POMZP3: variants seen among roughly 807,000 people sequenced by gnomAD.
The protein encoded by POMZP3 is POM121 and ZP3 fusion.
Under a neutral mutation model 19.8 loss-of-function variants are expected in POMZP3, and 10 were observed. The observed-to-expected ratio is 0.51, with a 90% CI of 0.31 to 0.86. POMZP3 has a LOEUF of 0.86. Ranked by LOEUF, POMZP3 falls within the 40% of genes least tolerant of loss-of-function variation. POMZP3 has a pLI of 0.04. For synonymous variants in POMZP3, 57 were observed against 85.8 expected (o/e 0.66, Z 1.85); for missense variants, 152 against 228.1 (o/e 0.67, Z 2.15).
intron 4 of POMZP3, among the ~76,000 whole-genome samples, chr7:76,616,391 G>C (rs1815290544): frequency 9.8e-6 from 1 of 101,742 alleles, no homozygotes; most frequent in Admixed American, 9.4e-5. Flanking sequence ...TACAAAATGT[G>C]ACACCAGGCC....
intron 3 of POMZP3, among the ~76,000 whole-genome samples, chr7:76,622,827 C>G (rs1795063201): frequency 6.6e-6 from 1 of 151,852 alleles, no homozygotes; most frequent in South Asian, 2.1e-4. Flanking sequence ...AGGCTTGAGC[C>G]ACTGCATTCA....
At chr7:76,623,318 G>C (rs996774039) in intron 3 of POMZP3, among the ~76,000 whole-genome samples, 1 of 151,662 alleles carries the variant, frequency 6.6e-6, no homozygotes, top group Non-Finnish European at 1.5e-5. Flanking sequence ...CAATGGTCAG[G>C]AACTAGTGCC....
chr7:76,618,265 G>C lies in POMZP3; in HGVS notation c.263C>G (p.Ala88Gly), dbSNP rs773008765. The stretch of plus-strand genomic sequence containing the variant: ...TGGCCCGGGTCGAGGAACTTTGAAT[G>C]CAGAAGAGGCATCAGTGAGACCGTC... The part of the protein sequence containing the change: ...LVDGLTDASS[A>G]FKVPRPGPDT... Residue 88 changes from alanine (A) to glycine (G), a missense_variant, in exon 4 of 7, where the codon GCA becomes GGA. Ala to Gly is a moderately conservative substitution (Grantham distance 60). Around this residue, in one of 4 missense-constraint regions of POMZP3, gnomAD observed 0 missense variants for 39.7 expected, o/e 0.00. Coordinates refer to ENST00000310842, the MANE Select transcript of POMZP3 (RefSeq NM_012230.5). The C allele has an allele frequency of 6.2e-7, 1 of 1,613,678 alleles. No individual in the cohort carries two copies. Among genetic ancestry groups the C allele is most frequent in the Non-Finnish European group, 8.5e-7 (1 of 1,179,822 alleles).
chr7:76,625,108 G>A (rs1437817825), intron 3 of POMZP3, among the ~76,000 whole-genome samples: 3 of 131,814 alleles, frequency 2.3e-5, no homozygotes, highest in African/African-American at 6.1e-5. Context: ...ACTCCAGCCT[G>A]GGGGACAGAG....
intron 1 of POMZP3, chr7:76,626,416 A>G (rs1815904313): frequency 4.9e-6 from 3 of 609,060 alleles, no homozygotes; most frequent in Non-Finnish European, 8.6e-6. Context: ...AGCTGTCTCA[A>G]CAATGGATTG....
intron 3 of POMZP3, among the ~76,000 whole-genome samples, chr7:76,622,896 G>T (rs1815647898): frequency 6.6e-6 from 1 of 151,294 alleles, no homozygotes; most frequent in Non-Finnish European, 1.5e-5. Flanking sequence ...TTTTGAGTTG[G>T]GGTCTTGCTC....
intron 3 of POMZP3, among the ~76,000 whole-genome samples, chr7:76,621,561 C>T (rs1008501389): frequency 1.3e-5 from 2 of 151,618 alleles, no homozygotes; most frequent in African/African-American, 4.8e-5. Context: ...GGGCTGCATT[C>T]CCAGATGGTT....
At chr7:76,618,555 AG>A (rs1001601998) in intron 3 of POMZP3, 2 of 506,818 alleles carry the variant, frequency 3.9e-6, no homozygotes, top group Admixed American at 3.3e-5. Flanking sequence ...TGGGAGGCAG[AG>A]GGTGTAGTGA....
At chr7:76,621,046 T>G (rs1171728112) in intron 3 of POMZP3, 4 of 149,518 alleles carry the variant, frequency 2.7e-5, no homozygotes, top group Non-Finnish European at 5.9e-5. Flanking sequence ...TTTTTTTTTT[T>G]GTATTTTTAA....
At chr7:76,612,894 C>A (rs1815160204) in intron 4 of POMZP3, among the ~76,000 whole-genome samples, 1 of 78,362 alleles carries the variant, frequency 1.3e-5, no homozygotes. Context: ...GTGGAGTTTC[C>A]ATTTCAGACT....
At position 76,614,858 on chromosome 7, in the gene POMZP3, CAAAAAAA is replaced by C. The variant is rs59620004; in HGVS notation, c.346-3052_346-3046del. On this transcript the variant is annotated intron_variant, in intron 4 of 6. Coordinates refer to ENST00000310842, the MANE Select transcript of POMZP3 (RefSeq NM_012230.5). ...CTGGGTGACAGAGCGAGACTCTGTC[CAAAAAAA>C]AAAAAAAAAAAAGTACACAGGGTCT... 2.2e-3 allele frequency among the ~76,000 whole-genome samples: 72 copies of C among 32,030 alleles called. 5 individuals are homozygous for C. Among genetic ancestry groups the C allele is most frequent in the Non-Finnish European group, 3.9e-3 (61 of 15,478 alleles). The allele number at this position is 32,030 out of a possible 152,430, so 21.0% of individuals were successfully genotyped here.
chr7:76,618,450 T>G (rs769368979), intron 3 of POMZP3, 150 bp from the exon 4 acceptor site: 6 of 930,026 alleles, frequency 6.5e-6, no homozygotes, highest in Non-Finnish European at 1.0e-5. Flanking sequence ...GGTGAAACCT[T>G]GTCTCTACTA....
intron 3 of POMZP3, among the ~76,000 whole-genome samples, chr7:76,623,785 G>C (rs1815702565): frequency 6.6e-6 from 1 of 151,986 alleles, no homozygotes; most frequent in African/African-American, 2.4e-5. Flanking sequence ...ATGGCTGACA[G>C]AGCGAGAATC....
intron 3 of POMZP3, among the ~76,000 whole-genome samples, chr7:76,620,679 G>C (rs1271606359): frequency 9.2e-5 from 14 of 151,720 alleles, no homozygotes; most frequent in African/African-American, 3.4e-4. Context: ...TGTTGGCCAG[G>C]CTGGTCTTGA....
chr7:76,623,757 T>C (rs1636629), intron 3 of POMZP3, among the ~76,000 whole-genome samples: 2,523 of 151,494 alleles, frequency 0.017, 100 homozygotes, highest in East Asian at 0.13. Context: ...GCCAAGATCG[T>C]GCCATTTACA....
At chr7:76,619,486 C>T (rs1010923845) in intron 3 of POMZP3, among the ~76,000 whole-genome samples, 2 of 151,426 alleles carry the variant, frequency 1.3e-5, no homozygotes, top group East Asian at 3.9e-4. Flanking sequence ...CACTTGCGTT[C>T]TTGCATAAAG....
At chr7:76,626,315 T>G in intron 1 of POMZP3, 100 bp from the exon 2 acceptor site, 1 of 1,210,502 alleles carries the variant, frequency 8.3e-7, no homozygotes, top group Non-Finnish European at 1.1e-6. Flanking sequence ...TCCAAAGAAC[T>G]TAAGTCTCTT....
intron 3 of POMZP3, among the ~76,000 whole-genome samples, chr7:76,622,615 T>C (rs1183519188): frequency 6.6e-6 from 1 of 151,558 alleles, no homozygotes; most frequent in African/African-American, 2.4e-5. Context: ...CCACCCGCCT[T>C]GGCCTCCCAA....
chr7:76,625,412 T>C, intron 3 of POMZP3, 110 bp downstream of exon 3: 9 of 1,560,586 alleles, frequency 5.8e-6, no homozygotes, highest in Non-Finnish European at 7.9e-6. Flanking sequence ...AGGAGGCCTA[T>C]GAAGGCTCAC....
Sources: allele counts gnomAD v4.1 joint callset (sites outside exome capture counted in the v4.1 genomes callset), GRCh38; gene constraint gnomAD v4.1.1; regional missense constraint gnomAD v4.1.1; transcripts MANE v1.5; gene names NCBI Gene and HGNC (gene_info 2026-07-23, HGNC 2026-07-21).